The following SNX17 variants were observed in gnomAD, a reference collection of about 807,000 sequenced individuals.
SNX17 encodes the protein sorting nexin-17.
In SNX17, 35 loss-of-function variants were observed where a neutral mutation model predicts 64.3. That is an observed-to-expected ratio of 0.54 (90% CI 0.42 to 0.72). The LOEUF (loss-of-function observed/expected upper bound fraction) is 0.72, where lower values mean the gene tolerates loss of function less well. SNX17 is among the 30% of genes least tolerant of loss of function. The pLI is 0.00. For missense variants in SNX17, 538 were observed against 610.0 expected (o/e 0.88, Z 1.24); for synonymous variants, 259 against 230.2 (o/e 1.13, Z -1.13).
Position 27,373,314 on chromosome 2 carries a change from A to G in SNX17, c.321+3A>G, listed in dbSNP as rs759956335. On this transcript the variant is annotated splice_donor_region_variant and intron_variant, in intron 4 of 14. Transcript: ENST00000233575. ...GTTTCCTGCGTCGGGCACAACAGGT[A>G]GGGCTTTGGGTGGGACCAAGATTTA... is the stretch of plus-strand genomic sequence containing the variant. 45 of 1,614,006 alleles carry G rather than the reference A, an allele frequency of 2.8e-5. 1 individual carries two copies. In the South Asian group the frequency reaches 4.4e-4, roughly 16 times the overall value.
chr2:27,374,964 T>C, intron 8 of SNX17, 97 bp from the exon 9 acceptor site: 1 of 1,186,446 alleles, frequency 8.4e-7, no homozygotes, highest in Non-Finnish European at 1.3e-6. Flanking sequence ...CGCTCAAGTG[T>C]GGGGCTAGGG....
rs577494409 is a variant in SNX17, at chr2:27,371,468, G to A, written c.138+125G>A. 49 of 1,426,462 alleles carry A rather than the reference G, an allele frequency of 3.4e-5. No individual in the cohort carries two copies. In the Middle Eastern group the frequency reaches 5.5e-4, roughly 16 times the overall value. The allele number at this position is 1,426,462 out of a possible 1,614,324, so 88.4% of individuals were successfully genotyped here. A position where few individuals can be genotyped will look rare whatever the true frequency, so the allele number is the denominator to read the frequency against. Reference sequence around the variant, plus strand: ...AGTTCCCCTTTAATCACTGCCACAGGGTAGGGCCCTGGTTTATCTTGTCTG... The same window carrying A: ...AGTTCCCCTTTAATCACTGCCACAGAGTAGGGCCCTGGTTTATCTTGTCTG... On this transcript the variant is annotated intron_variant, in intron 2 of 14. Coordinates refer to ENST00000233575, the MANE Select transcript of SNX17 (RefSeq NM_014748.4).
rs1302321036 is a variant in SNX17, at chr2:27,375,285, C to T, written c.774+132C>T. On this transcript the variant is annotated intron_variant, in intron 9 of 14. Coordinates refer to ENST00000233575, the MANE Select transcript of SNX17 (RefSeq NM_014748.4). This position sits in a 1 kb window ranked among gnomAD's most constrained non-coding sequence, Gnocchi z 4.1. Reference sequence around the variant, plus strand: ...TCCCGAGTAGCTGGGACTACAGGCACCCGCCACGACGCCCGGCTAATTTTT... The same window carrying T: ...TCCCGAGTAGCTGGGACTACAGGCATCCGCCACGACGCCCGGCTAATTTTT... 1.1e-6 allele frequency: 1 copy of T among 905,626 alleles called. No homozygotes were observed. The highest frequency in any genetic ancestry group is 2.6e-5 in the East Asian group (1 of 37,892). The allele number at this position is 905,626 out of a possible 1,614,324, so 56.1% of individuals were successfully genotyped here.
In SNX17 at chr2:27,372,609, C is replaced by T. The variant is rs1682749076; in HGVS notation, c.139-14C>T. 6.2e-7 allele frequency: 1 copy of T among 1,614,066 alleles called. No homozygotes were observed. The highest frequency in any genetic ancestry group is 8.5e-7 in the Non-Finnish European group (1 of 1,180,028). ...TGTGTTTATGTGAAGGGTTGTATCTCTTTCTCTAAATAGCTTCGGAAGGAG... is the reference window on the plus strand; with the variant it reads ...TGTGTTTATGTGAAGGGTTGTATCTTTTTCTCTAAATAGCTTCGGAAGGAG... On this transcript the variant is annotated splice_polypyrimidine_tract_variant and intron_variant, in intron 2 of 14. Transcript: ENST00000233575.
In SNX17 at chr2:27,373,808, G is replaced by A. The variant is rs148198791; in HGVS notation, c.322-53G>A. 1.1e-3 allele frequency: 1,490 copies of A among 1,392,108 alleles called. 9 individuals are homozygous for A. The African/African-American group carries it at 0.019, about 18-fold the overall frequency. The allele number at this position is 1,392,108 out of a possible 1,614,324, so 86.2% of individuals were successfully genotyped here. A position where few individuals can be genotyped will look rare whatever the true frequency, so the allele number is the denominator to read the frequency against. On this transcript the variant is annotated intron_variant, in intron 4 of 14. Coordinates refer to ENST00000233575, the MANE Select transcript of SNX17 (RefSeq NM_014748.4). ...GACCTAGAAATAGAGTTGGGCATAG[G>A]TCAAGGCAAGGGACAAGGCAGTGCT... is the stretch of plus-strand genomic sequence containing the variant.
At chr2:27,371,538 C>G (rs899553716) in intron 2 of SNX17, 195 bp downstream of exon 2, 2 of 1,159,134 alleles carry the variant, frequency 1.7e-6, no homozygotes, top group Non-Finnish European at 2.3e-6. Context: ...CGCGCAACAA[C>G]TGCTCCTTCC....
rs1181072418 is a variant in SNX17, at chr2:27,375,657, G to A, written c.926G>A (p.Arg309Gln). 25 of 1,614,098 alleles carry A rather than the reference G, an allele frequency of 1.5e-5. No homozygotes were observed. The highest frequency in any genetic ancestry group is 1.6e-4 in the Middle Eastern group (1 of 6,084). ...CTCCGCCTGCCTGGCCAGCAACTCC[G>A]AGAAGGCTCCTTCCGGGTCACCCGC... ...LQLRLPGQQL[R>Q]EGSFRVTRMR... Residue 309 changes from arginine (R) to glutamine (Q), a missense_variant, in exon 10 of 15, where the codon CGA (arginine) becomes CAA (glutamine). Arg to Gln is a conservative substitution (Grantham distance 43, BLOSUM62 1). This residue lies in a region of SNX17 where 505 missense variants were observed against 550.4 expected (regional missense o/e 0.92). Transcript: ENST00000233575. The surrounding 1 kb of genome is among the most constrained non-coding windows in gnomAD (Gnocchi z 4.1).
Position 27,370,714 on chromosome 2 carries a change from G to A in SNX17, c.-30G>A, listed in dbSNP as rs777167990. ...AGAGCCGCTGCGGCCCTCACAGTCCGGAGCCCGGCCGTGCCGTGCCGTAGG... is the reference window on the plus strand; with the variant it reads ...AGAGCCGCTGCGGCCCTCACAGTCCAGAGCCCGGCCGTGCCGTGCCGTAGG... On this transcript the variant is annotated 5_prime_UTR_variant, in exon 1 of 15. Transcript: ENST00000233575. 8 of 1,538,778 alleles carry A rather than the reference G, an allele frequency of 5.2e-6. No individual in the cohort carries two copies. Among genetic ancestry groups the A allele is most frequent in the Non-Finnish European group, 5.3e-6 (6 of 1,139,504 alleles).
In SNX17 at chr2:27,375,079, C is replaced by T. The variant is rs780277583; in HGVS notation, c.700C>T (p.Arg234Cys). 30 of 1,613,928 alleles carry T rather than the reference C, an allele frequency of 1.9e-5. No homozygotes were observed. Among genetic ancestry groups the T allele is most frequent in the South Asian group, 1.2e-4 (11 of 91,088 alleles). The change falls in exon 9 of 15, where the codon CGT (arginine) becomes TGT (cysteine). Residue 234 changes from arginine (R) to cysteine (C), a missense_variant. Arg to Cys is a radical substitution (Grantham distance 180, BLOSUM62 -3). Coordinates refer to ENST00000233575, the MANE Select transcript of SNX17 (RefSeq NM_014748.4). This position sits in a 1 kb window ranked among gnomAD's most constrained non-coding sequence, Gnocchi z 4.1. ...ACTATAGACGGTATCAGATATTGAG[C>T]GTGGGTGGATCTTGGTCACCAAGGA... ...LYAQTVSDIERGWILVTKEQH... is the reference protein window; with the variant it reads ...LYAQTVSDIECGWILVTKEQH...
rs1335652263 is a variant in SNX17, at chr2:27,374,086, C to T, written c.434C>T (p.Ala145Val). ...TSDQTEDVLE[A>V]VAAKLDLPDD... ...CTGTACTTCTATCCCTATCCCCAGG[C>T]TGTAGCTGCAAAGCTGGATCTTCCA... Residue 145 changes from alanine to valine, a missense_variant and splice_region_variant, in exon 6 of 15, where the codon GCT becomes GTT. This residue lies in a region of SNX17 where 505 missense variants were observed against 550.4 expected (regional missense o/e 0.92). Coordinates refer to ENST00000233575, the MANE Select transcript of SNX17 (RefSeq NM_014748.4). 1.9e-6 allele frequency: 3 copies of T among 1,613,970 alleles called. No individual in the cohort carries two copies. In the African/African-American group the frequency reaches 4.0e-5, roughly 22 times the overall value.
In SNX17 at chr2:27,377,387, C is replaced by T. The variant is rs759039062; in HGVS notation, c.*668C>T. 3.0e-5 allele frequency: 24 copies of T among 807,012 alleles called. No individual in the cohort carries two copies. Among genetic ancestry groups the T allele is most frequent in the Non-Finnish European group, 4.8e-5 (23 of 480,502 alleles). The allele number at this position is 807,012 out of a possible 1,614,324, so 50.0% of individuals were successfully genotyped here. A position where few individuals can be genotyped will look rare whatever the true frequency, so the allele number is the denominator to read the frequency against. On this transcript the variant is annotated 3_prime_UTR_variant, in exon 15 of 15. Coordinates refer to ENST00000233575, the MANE Select transcript of SNX17 (RefSeq NM_014748.4). This position sits in a 1 kb window ranked among gnomAD's most constrained non-coding sequence, Gnocchi z 4.4. ...CACTGAGCTCGTGAAGTGCCTCAGT[C>T]AAGGCAAGGTCCCCTGGTCCATATG... is the stretch of plus-strand genomic sequence containing the variant.
At chr2:27,376,253 T>C in intron 12 of SNX17, 60 bp from the exon 13 acceptor site, 1 of 1,612,592 alleles carries the variant, frequency 6.2e-7, no homozygotes, top group East Asian at 2.2e-5. Context: ...GATGTGAGGC[T>C]TGTCTTGAGA....
chr2:27,371,151 A>G (rs1354410330), intron 1 of SNX17, 118 bp from the exon 2 acceptor site: 3 of 911,100 alleles, frequency 3.3e-6, no homozygotes, highest in South Asian at 2.7e-5. Context: ...CAAGCGAACT[A>G]TCCCTCGGGA....
At chr2:27,376,057 G>C in intron 11 of SNX17, 49 bp from the exon 12 acceptor site, 2 of 1,613,686 alleles carry the variant, frequency 1.2e-6, no homozygotes, top group African/African-American at 1.3e-5. Flanking sequence ...AGTGGTGCTG[G>C]GCTCAGAGTG....
In SNX17 at chr2:27,373,854, A is replaced by G; in HGVS notation, c.322-7A>G. ...GTGCTTCCCATCCCCATGTGTGCTCACAACAGGAGACACAGCAGGTCCCCA... is the reference window on the plus strand; with the variant it reads ...GTGCTTCCCATCCCCATGTGTGCTCGCAACAGGAGACACAGCAGGTCCCCA... On this transcript the variant is annotated splice_polypyrimidine_tract_variant and splice_region_variant and intron_variant, in intron 4 of 14. Transcript: ENST00000233575. 2 of 1,608,894 alleles carry G rather than the reference A, an allele frequency of 1.2e-6. No individual in the cohort carries two copies. Among genetic ancestry groups the G allele is most frequent in the Non-Finnish European group, 1.7e-6 (2 of 1,176,566 alleles).
chr2:27,371,447 C>T, intron 2 of SNX17, 104 bp downstream of exon 2: 1 of 1,463,528 alleles, frequency 6.8e-7, no homozygotes. Context: ...GGCTGTAGTT[C>T]CCCTTTAATC....
chr2:27,373,881 A>T lies in SNX17; in HGVS notation c.342A>T (p.Thr114=), dbSNP rs771110642. ...AACAGGAGACACAGCAGGTCCCCAC[A>T]GAGGAAGTGTCCTTGGAAGTGCTGC... The part of the protein sequence containing the change: ...RAQQETQQVP[T]EEVSLEVLLS... Residue 114 remains threonine, a synonymous_variant, in exon 5 of 15, where the codon ACA becomes ACT. Coordinates refer to ENST00000233575, the MANE Select transcript of SNX17 (RefSeq NM_014748.4). The T allele has an allele frequency of 1.2e-6, 2 of 1,613,528 alleles. No homozygotes were observed. The highest frequency in any genetic ancestry group is 1.7e-6 in the Non-Finnish European group (2 of 1,180,002).
rs1308017023 is a variant in SNX17, at chr2:27,370,679, G to A, written c.-65G>A. 6.7e-7 allele frequency: 1 copy of A among 1,496,706 alleles called. No homozygotes were observed. 92.7% of individuals were successfully genotyped at this position (1,496,706 alleles called of 1,614,324 possible). A position where few individuals can be genotyped will look rare whatever the true frequency, so the allele number is the denominator to read the frequency against. ...GCGGGGACTCGCTGAGCAGCGGAGGGGGAGCGTGCAGAGCCGCTGCGGCCC... is the reference window on the plus strand; with the variant it reads ...GCGGGGACTCGCTGAGCAGCGGAGGAGGAGCGTGCAGAGCCGCTGCGGCCC... On this transcript the variant is annotated 5_prime_UTR_variant, in exon 1 of 15. Coordinates refer to ENST00000233575, the MANE Select transcript of SNX17 (RefSeq NM_014748.4).
intron 3 of SNX17, 86 bp from the exon 4 acceptor site, chr2:27,373,161 G>T: frequency 1.9e-6 from 3 of 1,608,674 alleles, no homozygotes; most frequent in Non-Finnish European, 2.6e-6. Flanking sequence ...CCCAGGAAAT[G>T]GGGTCGGGGG....
Sources: gnomAD v4.1 joint callset for allele counts on GRCh38, gnomAD v4.1.1 for gene constraint, gnomAD v4.1.1 regional missense constraint, Gnocchi (gnomAD v3.1) non-coding constraint, MANE v1.5 for transcripts, NCBI Gene and HGNC (gene_info 2026-07-23, HGNC 2026-07-21) for gene names.